RAD1: variants seen among roughly 807,000 people sequenced by gnomAD.
RAD1 encodes the protein cell cycle checkpoint protein RAD1.
RAD1 carries 21 observed loss-of-function variants against 30.0 expected under a neutral mutation model. The observed-to-expected ratio is 0.70, with a 90% confidence interval of 0.50 to 1.01. The LOEUF (loss-of-function observed/expected upper bound fraction) is 1.01. Among genes scored for constraint, RAD1 ranks in the 50% least tolerant of loss-of-function variants. The pLI is 0.00. For synonymous variants in RAD1, 109 were observed against 113.6 expected (o/e 0.96, Z 0.26); for missense variants, 329 against 329.0 (o/e 1.00, Z 0.00).
In RAD1 at chr5:34,911,639, C is replaced by T; in HGVS notation, c.481G>A (p.Glu161Lys). 4 of 1,614,152 alleles carry T rather than the reference C, an allele frequency of 2.5e-6. No homozygotes were observed. The highest frequency in any genetic ancestry group is 2.2e-5 in the East Asian group (1 of 44,866). Reference protein sequence around the residue: ...NVINKIILQSEGLREAFSELD... With the variant: ...NVINKIILQSKGLREAFSELD... ...TCAGAAAATGCTTCACGGAGCCCCT[C>T]TGACTGCAGAATAATTTTATTAATA... The change falls in exon 4 of 6, where the codon GAG becomes AAG. Residue 161 changes from glutamate to lysine, a missense_variant. Coordinates refer to ENST00000382038, the MANE Select transcript of RAD1 (RefSeq NM_002853.4).
rs768599889 is a variant in RAD1, at chr5:34,914,936, C to A, written c.-44G>T. 2.6e-5 allele frequency: 42 copies of A among 1,605,182 alleles called. No homozygotes were observed. In the East Asian group the frequency reaches 8.7e-4, roughly 33 times the overall value. On this transcript the variant is annotated 5_prime_UTR_variant, in exon 2 of 6. Coordinates refer to ENST00000382038, the MANE Select transcript of RAD1 (RefSeq NM_002853.4). ...CCCCGAGGGATGCTCCTGGGGCCAA[C>A]AACTTCTCGGCGGATCGCCAAACAC...
In RAD1 at chr5:34,911,832, T is replaced by C; in HGVS notation, c.308-20A>G. 6.2e-7 allele frequency: 1 copy of C among 1,612,642 alleles called. No individual in the cohort carries two copies. Among genetic ancestry groups the C allele is most frequent in the South Asian group, 1.1e-5 (1 of 90,862 alleles). On this transcript the variant is annotated intron_variant, in intron 3 of 5. Coordinates refer to ENST00000382038, the MANE Select transcript of RAD1 (RefSeq NM_002853.4). ...AAGTCCCTGCAATGGAAAGAAGTCA[T>C]ACTTGGCCTTAGCTTTATAGTTCTG... is the stretch of plus-strand genomic sequence containing the variant.
chr5:34,907,535 ATATT>A lies in RAD1; in HGVS notation c.*1226_*1229del, dbSNP rs1220939365. On this transcript the variant is annotated 3_prime_UTR_variant, in exon 6 of 6. Coordinates refer to ENST00000382038, the MANE Select transcript of RAD1 (RefSeq NM_002853.4). ...AGATAATTTTTGCATTTTATTAAAT[ATATT>A]TATATGCCACAAAAATTATTTTAGT... The A allele has an allele frequency of 6.6e-6, 1 of 152,214 alleles. No individual in the cohort carries two copies. The highest frequency in any genetic ancestry group is 6.5e-5 in the Admixed American group (1 of 15,286). 9.4% of individuals were successfully genotyped at this position (152,214 alleles called of 1,614,324 possible).
Position 34,907,191 on chromosome 5 carries a change from G to A in RAD1, c.*1574C>T, listed in dbSNP as rs1445390082. 2 of 152,174 alleles carry A rather than the reference G, an allele frequency of 1.3e-5. No homozygotes were observed. Among genetic ancestry groups the A allele is most frequent in the Non-Finnish European group, 2.9e-5 (2 of 68,038 alleles). 9.4% of individuals were successfully genotyped at this position (152,174 alleles called of 1,614,324 possible). On this transcript the variant is annotated 3_prime_UTR_variant, in exon 6 of 6. Coordinates refer to ENST00000382038, the MANE Select transcript of RAD1 (RefSeq NM_002853.4). ...CCAAACCAATTTTCTCTAATGCTAT[G>A]TGACCTATATTAAGGTAGGGCATTC... is the stretch of plus-strand genomic sequence containing the variant.
At chr5:34,914,612 T>C (rs1763978541) in intron 2 of RAD1, 83 bp downstream of exon 2, 1 of 1,313,402 alleles carries the variant, frequency 7.6e-7, no homozygotes, top group Non-Finnish European at 1.1e-6. Flanking sequence ...TATTAAGTTA[T>C]TTTGTCTACT....
At chr5:34,913,365 T>A in intron 3 of RAD1, 105 bp downstream of exon 3, 1 of 543,286 alleles carries the variant, frequency 1.8e-6, no homozygotes, top group Non-Finnish European at 3.1e-6. Flanking sequence ...GAAAAATGAA[T>A]TGGCATTAGC....
In RAD1 at chr5:34,906,224, TG is replaced by T. The variant is rs1481481208; in HGVS notation, c.*2540del. On this transcript the variant is annotated 3_prime_UTR_variant, in exon 6 of 6. Transcript: ENST00000382038. ...CCCCTGCCTCGGCTTCCCAAAATGC[TG>T]GGATTACAGGTGTGAGCCACCACTC... 2.6e-5 allele frequency: 4 copies of T among 152,210 alleles called. No individual in the cohort carries two copies. The highest frequency in any genetic ancestry group is 1.3e-4 in the Admixed American group (2 of 15,280). The allele number at this position is 152,210 out of a possible 1,614,324, so 9.4% of individuals were successfully genotyped here. A position where few individuals can be genotyped will look rare whatever the true frequency, so the allele number is the denominator to read the frequency against.
At chr5:34,911,962 C>G (rs1763861220) in intron 3 of RAD1, 150 bp from the exon 4 acceptor site, 1 of 925,526 alleles carries the variant, frequency 1.1e-6, no homozygotes, top group Admixed American at 2.6e-5. Context: ...ATGACATCTT[C>G]CCTGATGACA....
At position 34,911,799 on chromosome 5, in the gene RAD1, T is replaced by G. The variant is rs41271705; in HGVS notation, c.321A>C (p.Ala107=). ...CATAACCTTGGTAACACATTCGAAG[T>G]GCAGTTAAAGTCCCTGCAATGGAAA... is the stretch of plus-strand genomic sequence containing the variant. ...GSSPMPGTLT[A]LRMCYQGYGY... The change falls in exon 4 of 6, where the codon GCA becomes GCC. Residue 107 remains alanine, a synonymous_variant. Coordinates refer to ENST00000382038, the MANE Select transcript of RAD1 (RefSeq NM_002853.4). 111 of 1,614,160 alleles carry G rather than the reference T, an allele frequency of 6.9e-5. 1 individual carries two copies. In the East Asian group the frequency reaches 2.5e-3, roughly 36 times the overall value.
intron 4 of RAD1, 99 bp from the exon 5 acceptor site, chr5:34,909,455 G>A (rs1763761370): frequency 6.6e-6 from 5 of 761,160 alleles, no homozygotes; most frequent in Admixed American, 2.3e-5. Context: ...CATACTAGTG[G>A]GTGAAACAGA....
intron 5 of RAD1, 87 bp from the exon 6 acceptor site, chr5:34,909,035 T>G: frequency 7.9e-7 from 1 of 1,265,106 alleles, no homozygotes; most frequent in Non-Finnish European, 1.1e-6. Flanking sequence ...GTAGCAAATC[T>G]AAGAATAAAA....
chr5:34,909,073 T>A, intron 5 of RAD1, 125 bp from the exon 6 acceptor site: 4 of 1,062,684 alleles, frequency 3.8e-6, no homozygotes, highest in Non-Finnish European at 5.5e-6. Flanking sequence ...TTGCTAATAT[T>A]TTCTGTTTTA....
At position 34,914,793 on chromosome 5, in the gene RAD1, T is replaced by C. The variant is rs867696975; in HGVS notation, c.100A>G (p.Ile34Val). The C allele has an allele frequency of 1.2e-5, 19 of 1,614,122 alleles. No homozygotes were observed. The highest frequency in any genetic ancestry group is 2.7e-5 in the African/African-American group (2 of 74,940). ...VRNLSTILKAIHFREHATCFA... is the reference protein window; with the variant it reads ...VRNLSTILKAVHFREHATCFA... ...CACGTGGCATGTTCTCGGAAATGAA[T>C]AGCTTTCAAGATAGTGGAGAGATTC... Residue 34 changes from isoleucine (I) to valine (V), a missense_variant, in exon 2 of 6, where the codon ATT (isoleucine) becomes GTT (valine). Ile to Val is a conservative substitution (Grantham distance 29). Transcript: ENST00000382038.
chr5:34,915,329 A>T (rs1229782382), intron 1 of RAD1, 87 bp downstream of exon 1: 1 of 248,968 alleles, frequency 4.0e-6, no homozygotes, highest in African/African-American at 2.2e-5. Flanking sequence ...ATAATCCTCC[A>T]AGAGTCCCAG....
Position 34,914,681 on chromosome 5 carries a change from G to A in RAD1, c.198+14C>T, listed in dbSNP as rs1410113717. ...GTATCTATGGCACAGGCTTAAAGGC[G>A]CCTACTTCCATACCTGAATAAAAGC... On this transcript the variant is annotated intron_variant, in intron 2 of 5. Coordinates refer to ENST00000382038, the MANE Select transcript of RAD1 (RefSeq NM_002853.4). The A allele has an allele frequency of 6.2e-7, 1 of 1,613,498 alleles. No individual in the cohort carries two copies.
intron 3 of RAD1, 56 bp downstream of exon 3, chr5:34,913,413 TA>T: frequency 9.9e-7 from 1 of 1,007,640 alleles, no homozygotes; most frequent in Non-Finnish European, 1.4e-6. Flanking sequence ...TAACTTCCTG[TA>T]TTTTTCTGAC....
intron 2 of RAD1, chr5:34,914,414 A>G (rs1763971005): frequency 7.2e-6 from 3 of 415,896 alleles, no homozygotes; most frequent in Non-Finnish European, 4.4e-6. Context: ...AGAAGACTGT[A>G]GCCTAGCCAA....
intron 4 of RAD1, 136 bp from the exon 5 acceptor site, chr5:34,909,492 G>A (rs753454464): frequency 1.6e-5 from 9 of 546,412 alleles, no homozygotes; most frequent in Non-Finnish European, 2.6e-5. Context: ...TATAACACAC[G>A]ATAACAAGTA....
chr5:34,908,990 A>C (rs748502942), intron 5 of RAD1, 42 bp from the exon 6 acceptor site: 2 of 1,500,448 alleles, frequency 1.3e-6, no homozygotes, highest in Admixed American at 4.1e-5. Flanking sequence ...CAACACAGTG[A>C]ACACTGCTCA....
Sources: allele counts gnomAD v4.1 joint callset, GRCh38; gene constraint gnomAD v4.1.1; transcripts MANE v1.5; gene names NCBI Gene and HGNC (gene_info 2026-07-23, HGNC 2026-07-21).